The following LDLRAD3 variants were observed in gnomAD, a reference collection of about 807,000 sequenced individuals.
LDLRAD3 encodes low-density lipoprotein receptor class A domain-containing protein 3.
A neutral mutation model predicts 29.4 loss-of-function variants in LDLRAD3; 20 were observed. The ratio of observed to expected loss-of-function variants is 0.68; its 90% CI spans 0.48 to 0.99. The LOEUF (loss-of-function observed/expected upper bound fraction) is 0.99, where lower values mean the gene tolerates loss of function less well. LDLRAD3 is among the 50% of genes least tolerant of loss of function. The probability of loss-of-function intolerance (pLI) is 0.00; values close to 1 mark genes in which losing one functional copy is unlikely to be tolerated. For synonymous variants in LDLRAD3, 157 were observed against 192.7 expected, an observed-to-expected ratio of 0.81 and a Z score of 1.53; for missense variants, 420 against 454.3, an observed-to-expected ratio of 0.92 and a Z score of 0.69.
chr11:36,152,304 T>C (rs1458523500), intron 4 of LDLRAD3, among the ~76,000 whole-genome samples: 4 of 152,342 alleles, frequency 2.6e-5, no homozygotes, highest in African/African-American at 9.6e-5. Context: ...TAAAACCAGA[T>C]GCTATCAGAG....
chr11:35,995,023 T>A (rs988894127), intron 1 of LDLRAD3, among the ~76,000 whole-genome samples: 1 of 152,224 alleles, frequency 6.6e-6, no homozygotes, highest in African/African-American at 2.4e-5. Flanking sequence ...AGGGTTGGAA[T>A]CAGTTTCCTC....
At chr11:36,108,497 C>T (rs1162903792) in intron 4 of LDLRAD3, among the ~76,000 whole-genome samples, 9 of 151,994 alleles carry the variant, frequency 5.9e-5, no homozygotes, top group Admixed American at 3.9e-4. Flanking sequence ...TGGTCAGTAG[C>T]GTGAGGAATG....
rs373532303 is a variant in LDLRAD3, at chr11:36,032,968, G to A, written c.47-3135G>A. Among the ~76,000 whole-genome samples the A allele has an allele frequency of 4.0e-4, 60 of 151,730 alleles. 2 individuals are homozygous for A. The East Asian group carries it at 9.9e-3, about 25-fold the overall frequency. On this transcript the variant is annotated intron_variant, in intron 1 of 5. Transcript: ENST00000315571. The stretch of plus-strand genomic sequence containing the variant: ...CGGCTCACTGCAACCTCTGCCTCCC[G>A]GGTTCAAGCGATTCTCCTGCCTCAG...
At chr11:36,156,448 C>A (rs1854352494) in intron 4 of LDLRAD3, among the ~76,000 whole-genome samples, 1 of 152,212 alleles carries the variant, frequency 6.6e-6, no homozygotes, top group African/African-American at 2.4e-5. Flanking sequence ...TCAGGTCCAC[C>A]CATTTGCCAT....
intron 4 of LDLRAD3, chr11:36,101,885 C>CT (rs397848318): frequency 0.028 from 6,283 of 223,846 alleles, 20 homozygotes; most frequent in South Asian, 0.043. Context: ...CCACTGTCAT[C>CT]TTTTTTTTTT....
chr11:36,017,002 G>C (rs567616865), intron 1 of LDLRAD3, among the ~76,000 whole-genome samples: 3 of 152,312 alleles, frequency 2.0e-5, no homozygotes, highest in South Asian at 2.1e-4. Flanking sequence ...TCAAGTTCAA[G>C]GCACTTTGGT....
In LDLRAD3 at chr11:36,036,172, A is replaced by G. The variant is rs1370509190; in HGVS notation, c.116A>G (p.Asn39Ser). ...CNIPGNFMCSNGRCIPGAWQC... is the reference protein window; with the variant it reads ...CNIPGNFMCSSGRCIPGAWQC... ...ATACCAGGCAACTTCATGTGCAGCA[A>G]TGGACGGTGCATCCCGGGCGCCTGG... is the stretch of plus-strand genomic sequence containing the variant. Residue 39 changes from asparagine (N) to serine (S), a missense_variant, in exon 2 of 6, where the codon AAT becomes AGT. This residue lies in a region of LDLRAD3 where 224 missense variants were observed against 222.2 expected (regional missense o/e 1.01). Coordinates refer to ENST00000315571, the MANE Select transcript of LDLRAD3 (RefSeq NM_174902.4). 6.2e-7 allele frequency: 1 copy of G among 1,614,212 alleles called. No homozygotes were observed. The highest frequency in any genetic ancestry group is 2.2e-5 in the East Asian group (1 of 44,892).
chr11:35,955,655 A>C (rs766607646), intron 1 of LDLRAD3, among the ~76,000 whole-genome samples: 83 of 152,244 alleles, frequency 5.5e-4, no homozygotes, highest in Non-Finnish European at 1.8e-4. Flanking sequence ...AGATTCATTA[A>C]AAAACAAATA....
intron 2 of LDLRAD3, among the ~76,000 whole-genome samples, chr11:36,073,521 C>T (rs1242523832): frequency 1.3e-5 from 2 of 152,246 alleles, no homozygotes; most frequent in East Asian, 3.8e-4. Flanking sequence ...CAGGACCCCC[C>T]TTCCCCACAG....
At chr11:36,118,978 T>C (rs1853713792) in intron 4 of LDLRAD3, among the ~76,000 whole-genome samples, 1 of 151,448 alleles carries the variant, frequency 6.6e-6, no homozygotes, top group South Asian at 2.2e-4. Context: ...TCACTTAGCA[T>C]AACGTGTTCA....
At chr11:36,129,570 C>T (rs1406453112) in intron 4 of LDLRAD3, among the ~76,000 whole-genome samples, 1 of 152,178 alleles carries the variant, frequency 6.6e-6, no homozygotes, top group Non-Finnish European at 1.5e-5. Flanking sequence ...GTCCTTTGTG[C>T]CAGGTCCCTT....
chr11:36,156,285 C>T (rs1013435677), intron 4 of LDLRAD3, among the ~76,000 whole-genome samples: 1 of 152,178 alleles, frequency 6.6e-6, no homozygotes, highest in African/African-American at 2.4e-5. Flanking sequence ...TGGAGTGGCA[C>T]GATCCCCAAC....
At chr11:36,202,644 C>T (rs1855143285) in intron 4 of LDLRAD3, among the ~76,000 whole-genome samples, 1 of 152,112 alleles carries the variant, frequency 6.6e-6, no homozygotes, top group African/African-American at 2.4e-5. Context: ...TATTGTAAGT[C>T]CCCACTTTTC....
intron 1 of LDLRAD3, among the ~76,000 whole-genome samples, chr11:35,998,438 G>A (rs574370070): frequency 6.6e-6 from 1 of 152,276 alleles, no homozygotes; most frequent in Non-Finnish European, 1.5e-5. Context: ...GCTCCTTTCA[G>A]CCAAGCATAT....
intron 1 of LDLRAD3, among the ~76,000 whole-genome samples, chr11:36,022,744 A>G (rs1208348558): frequency 6.6e-6 from 1 of 152,192 alleles, no homozygotes; most frequent in Non-Finnish European, 1.5e-5. Flanking sequence ...GTTTTCTGGA[A>G]GGTCATAAGC....
chr11:35,983,492 C>G (rs1200931660), intron 1 of LDLRAD3, among the ~76,000 whole-genome samples: 1 of 152,204 alleles, frequency 6.6e-6, no homozygotes, highest in Non-Finnish European at 1.5e-5. Flanking sequence ...ATGCAGTGCT[C>G]TCACTGGCTG....
intron 2 of LDLRAD3, among the ~76,000 whole-genome samples, chr11:36,043,098 G>T (rs1215936625): frequency 6.6e-6 from 1 of 152,192 alleles, no homozygotes; most frequent in Admixed American, 6.5e-5. Flanking sequence ...GATCGTTTGA[G>T]CCCAAGAATT....
At chr11:36,071,481 T>A (rs1257853582) in intron 2 of LDLRAD3, among the ~76,000 whole-genome samples, 2 of 152,174 alleles carry the variant, frequency 1.3e-5, no homozygotes, top group Non-Finnish European at 1.5e-5. Flanking sequence ...ACACCCCAAA[T>A]GTCCATCAGT....
intron 4 of LDLRAD3, among the ~76,000 whole-genome samples, chr11:36,120,415 C>A (rs1015145831): frequency 1.3e-5 from 2 of 152,090 alleles, no homozygotes; most frequent in African/African-American, 4.8e-5. Flanking sequence ...TGGAAACTGT[C>A]CTGTGAGTGT....
Sources: allele counts gnomAD v4.1 joint callset (sites outside exome capture counted in the v4.1 genomes callset), GRCh38; gene constraint gnomAD v4.1.1; regional missense constraint gnomAD v4.1.1; transcripts MANE v1.5; gene names NCBI Gene and HGNC (gene_info 2026-07-23, HGNC 2026-07-21).